PTPRK: variants seen among roughly 807,000 people sequenced by gnomAD.
The protein encoded by PTPRK is receptor-type tyrosine-protein phosphatase kappa.
A neutral mutation model predicts 178.0 loss-of-function variants in PTPRK; 75 were observed. The ratio of observed to expected loss-of-function variants is 0.42; its 90% CI spans 0.35 to 0.51. PTPRK has a LOEUF of 0.51. Ranked by LOEUF, PTPRK falls within the 20% of genes least tolerant of loss-of-function variation. The pLI, the probability that PTPRK is intolerant of heterozygous loss-of-function variation, is 0.02. For missense variants in PTPRK, 1,441 were observed against 1,797.8 expected (o/e 0.80, Z 3.59); for synonymous variants, 637 against 620.6 (o/e 1.03, Z -0.39).
chr6:128,019,388 T>C (rs1351328299), intron 13 of PTPRK, among the ~76,000 whole-genome samples: 1 of 151,924 alleles, frequency 6.6e-6, no homozygotes, highest in African/African-American at 2.4e-5. Flanking sequence ...AACTACTACC[T>C]AACAAAAAGA....
intron 2 of PTPRK, among the ~76,000 whole-genome samples, chr6:128,352,919 A>C (rs1216876290): frequency 6.6e-6 from 1 of 152,192 alleles, no homozygotes; most frequent in Non-Finnish European, 1.5e-5. Context: ...TTGTCAAAAC[A>C]CTAAAAAAAC....
At chr6:128,226,761 C>CAT (rs71028117) in intron 5 of PTPRK, among the ~76,000 whole-genome samples, 6,041 of 109,164 alleles carry the variant, frequency 0.055, 181 homozygotes, top group Middle Eastern at 0.086. Context: ...ATTATATAGA[C>CAT]ATATATATAT....
At chr6:128,189,991 C>A (rs1034858856) in intron 6 of PTPRK, among the ~76,000 whole-genome samples, 2 of 152,112 alleles carry the variant, frequency 1.3e-5, no homozygotes, top group Admixed American at 6.6e-5. Context: ...AATTCTTGAG[C>A]ATTTCAAGAA....
intron 1 of PTPRK, among the ~76,000 whole-genome samples, chr6:128,411,609 T>G (rs1009523613): frequency 6.6e-6 from 1 of 152,196 alleles, no homozygotes; most frequent in African/African-American, 2.4e-5. Flanking sequence ...TTAGCTGCAT[T>G]ACATTCACAA....
At chr6:128,251,053 A>G (rs1816380061) in intron 3 of PTPRK, among the ~76,000 whole-genome samples, 1 of 152,178 alleles carries the variant, frequency 6.6e-6, no homozygotes, top group Non-Finnish European at 1.5e-5. Flanking sequence ...CTAAGAGTCT[A>G]AAGTGTGAAA....
intron 2 of PTPRK, among the ~76,000 whole-genome samples, chr6:128,377,419 C>T (rs766999452): frequency 3.9e-5 from 6 of 152,118 alleles, no homozygotes; most frequent in Admixed American, 6.6e-5. Flanking sequence ...GAAAGACCTA[C>T]TCCCTTGATT....
chr6:128,437,398 C>A (rs1845733342), intron 1 of PTPRK, among the ~76,000 whole-genome samples: 1 of 152,074 alleles, frequency 6.6e-6, no homozygotes, highest in South Asian at 2.1e-4. Context: ...TCTGAGGACA[C>A]CCTACTCTGC....
At chr6:128,481,618 T>G (rs13202241) in intron 1 of PTPRK, among the ~76,000 whole-genome samples, 13 of 152,138 alleles carry the variant, frequency 8.5e-5, no homozygotes, top group Non-Finnish European at 1.6e-4. Context: ...CACATCTTTT[T>G]CTCCTCTAGT....
chr6:128,063,326 T>G (rs1223149372), intron 13 of PTPRK: 1 of 152,248 alleles, frequency 6.6e-6, no homozygotes, highest in African/African-American at 2.4e-5. Flanking sequence ...ATTTGTCATT[T>G]TTTTAAATTT....
chr6:128,510,945 G>A (rs1857087932), intron 1 of PTPRK, among the ~76,000 whole-genome samples: 1 of 151,976 alleles, frequency 6.6e-6, no homozygotes, highest in African/African-American at 2.4e-5. Context: ...TTGAGCTCAA[G>A]TTCTTCCTAC....
At chr6:128,492,535 A>G (rs2128430646) in intron 1 of PTPRK, among the ~76,000 whole-genome samples, 1 of 152,260 alleles carries the variant, frequency 6.6e-6, no homozygotes, top group Non-Finnish European at 1.5e-5. Context: ...TTTGTCTTTT[A>G]TTACTCATAT....
intron 3 of PTPRK, among the ~76,000 whole-genome samples, chr6:128,313,193 T>A (rs1198645810): frequency 6.6e-6 from 1 of 152,114 alleles, no homozygotes; most frequent in African/African-American, 2.4e-5. Flanking sequence ...TCACTTACCC[T>A]CTGTCAGCCC....
chr6:128,047,085 C>T (rs945218178), intron 13 of PTPRK, among the ~76,000 whole-genome samples: 2 of 151,894 alleles, frequency 1.3e-5, no homozygotes, highest in African/African-American at 4.8e-5. Context: ...GTGAATAGAC[C>T]ACAAAAGAAA....
intron 16 of PTPRK, among the ~76,000 whole-genome samples, chr6:127,998,440 A>G (rs1026906390): frequency 1.3e-5 from 2 of 152,042 alleles, no homozygotes; most frequent in African/African-American, 2.4e-5. Flanking sequence ...GAGATACGCA[A>G]AGTGTTTTTT....
intron 3 of PTPRK, among the ~76,000 whole-genome samples, chr6:128,308,230 TAAAG>T (rs1246705744): frequency 2.0e-5 from 3 of 151,838 alleles, no homozygotes; most frequent in African/African-American, 4.8e-5. Flanking sequence ...TAAAGTAAAT[TAAAG>T]AAAAAAGAAA....
At chr6:128,498,304 G>A (rs1178031866) in intron 1 of PTPRK, among the ~76,000 whole-genome samples, 1 of 152,176 alleles carries the variant, frequency 6.6e-6, no homozygotes, top group East Asian at 1.9e-4. Flanking sequence ...ATGCAGCCCA[G>A]AGAATCTACA....
intron 7 of PTPRK, among the ~76,000 whole-genome samples, chr6:128,145,570 C>T (rs896501260): frequency 5.3e-5 from 8 of 151,838 alleles, no homozygotes; most frequent in African/African-American, 1.5e-4. Flanking sequence ...AGGTGAAATT[C>T]AGAATATGAA....
intron 3 of PTPRK, among the ~76,000 whole-genome samples, chr6:128,276,025 T>TA (rs554970660): frequency 1.3e-5 from 2 of 151,938 alleles, no homozygotes; most frequent in Non-Finnish European, 2.9e-5. Context: ...ATGTAAACTT[T>TA]AAAAAAAATT....
At chr6:128,257,570 T>A (rs889513083) in intron 3 of PTPRK, among the ~76,000 whole-genome samples, 2 of 152,300 alleles carry the variant, frequency 1.3e-5, no homozygotes, top group South Asian at 4.1e-4. Flanking sequence ...TTTAGTGCTA[T>A]ATTAACATAC....
Sources: allele counts gnomAD v4.1 joint callset (sites outside exome capture counted in the v4.1 genomes callset), GRCh38; gene constraint gnomAD v4.1.1; transcripts MANE v1.5; gene names NCBI Gene and HGNC (gene_info 2026-07-23, HGNC 2026-07-21).